Variants in KCNIP4 observed in about 807,000 individuals in gnomAD.
The protein encoded by KCNIP4 is potassium voltage-gated channel interacting protein 4, also known as Kv channel-interacting protein 4.
Under a neutral mutation model 34.0 loss-of-function variants are expected in KCNIP4, and 12 were observed. The ratio of observed to expected loss-of-function variants is 0.35; its 90% CI spans 0.23 to 0.57. The LOEUF is 0.57. Among genes scored for constraint, KCNIP4 ranks in the 20% least tolerant of loss-of-function variants. The probability of loss-of-function intolerance (pLI) is 0.83; values close to 1 mark genes in which losing one functional copy is unlikely to be tolerated. For synonymous variants in KCNIP4, 124 were observed against 102.2 expected (o/e 1.21, Z -1.29); for missense variants, 238 against 311.7 (o/e 0.76, Z 1.78).
intron 1 of KCNIP4, among the ~76,000 whole-genome samples, chr4:21,675,217 C>A (rs1749798323): frequency 6.6e-6 from 1 of 152,058 alleles, no homozygotes; most frequent in Non-Finnish European, 1.5e-5. Flanking sequence ...ATTGCATATT[C>A]TCATTTATTT....
intron 1 of KCNIP4, among the ~76,000 whole-genome samples, chr4:21,404,044 G>T (rs1350239941): frequency 6.6e-6 from 1 of 152,192 alleles, no homozygotes; most frequent in Admixed American, 6.5e-5. Context: ...CTTTCCGGTA[G>T]CCATGCTGGA....
chr4:21,600,524 T>C (rs899254799), intron 1 of KCNIP4, among the ~76,000 whole-genome samples: 1 of 151,384 alleles, frequency 6.6e-6, no homozygotes, highest in African/African-American at 2.5e-5. Flanking sequence ...TTTTGAAATG[T>C]ACAATAGATT....
intron 1 of KCNIP4, among the ~76,000 whole-genome samples, chr4:21,511,607 A>G (rs536769639): frequency 1.3e-5 from 2 of 152,328 alleles, no homozygotes; most frequent in Admixed American, 6.5e-5. Flanking sequence ...AGAAATTCCA[A>G]TCATCTTCAA....
intron 1 of KCNIP4, among the ~76,000 whole-genome samples, chr4:21,507,357 C>T (rs892129706): frequency 2.0e-5 from 3 of 151,580 alleles, no homozygotes; most frequent in Admixed American, 6.6e-5. Context: ...CTCCACCTCC[C>T]GGGTTCAAGC....
chr4:21,323,934 A>G (rs1714764150), intron 1 of KCNIP4, among the ~76,000 whole-genome samples: 1 of 151,982 alleles, frequency 6.6e-6, no homozygotes, highest in Non-Finnish European at 1.5e-5. Context: ...TTTAGATAAA[A>G]ACCATTTTAA....
chr4:21,070,259 T>C (rs1381715594), intron 1 of KCNIP4, among the ~76,000 whole-genome samples: 1 of 152,192 alleles, frequency 6.6e-6, no homozygotes, highest in Non-Finnish European at 1.5e-5. Flanking sequence ...ATTTTGGTCT[T>C]GTTTTTGGCG....
chr4:21,457,577 G>C (rs1729063958), intron 1 of KCNIP4, among the ~76,000 whole-genome samples: 1 of 151,978 alleles, frequency 6.6e-6, no homozygotes, highest in African/African-American at 2.4e-5. Context: ...CTAGAAAAGA[G>C]TAGAGGTGTA....
At chr4:20,850,205 A>G in intron 3 of KCNIP4, 1 of 175,426 alleles carries the variant, frequency 5.7e-6, no homozygotes, top group Admixed American at 5.8e-5. Flanking sequence ...ATTCAAGTCA[A>G]GCACCAGCCT....
At chr4:20,962,265 C>T (rs891907266) in intron 1 of KCNIP4, among the ~76,000 whole-genome samples, 1 of 152,198 alleles carries the variant, frequency 6.6e-6, no homozygotes, top group Non-Finnish European at 1.5e-5. Flanking sequence ...CAGCATCACT[C>T]CTGACACCTA....
intron 1 of KCNIP4, among the ~76,000 whole-genome samples, chr4:21,700,592 C>T (rs773305138): frequency 1.1e-4 from 17 of 151,792 alleles, no homozygotes; most frequent in Non-Finnish European, 1.9e-4. Context: ...TGTGCAGAAG[C>T]TTTTTAGTTT....
rs190328261 is a variant in KCNIP4, at chr4:20,885,122, G to A, written c.62-2413C>T. On this transcript the variant is annotated intron_variant, in intron 1 of 8. Coordinates refer to ENST00000382152, the MANE Select transcript of KCNIP4 (RefSeq NM_025221.6). ...CTCCCCTGCTTCCCAAGCTAACTTT[G>A]GGAGAAATTTAGCTTATAGTTTAAA... 6.3e-4 allele frequency among the ~76,000 whole-genome samples: 96 copies of A among 152,198 alleles called. No homozygotes were observed. The East Asian group carries it at 8.9e-3, about 14-fold the overall frequency.
rs1254641168 is a variant in KCNIP4 at position 20,938,724 on chromosome 4, CAAAG to C, written c.62-56019_62-56016del. On this transcript the variant is annotated intron_variant, in intron 1 of 8. Coordinates refer to ENST00000382152, the MANE Select transcript of KCNIP4 (RefSeq NM_025221.6). Reference sequence around the variant, plus strand: ...CTACATTTTATCATAAAAATGAAAACAAAGAAACAACACCTCTTACATATTCTCC... The same window carrying C: ...CTACATTTTATCATAAAAATGAAAACAAACAACACCTCTTACATATTCTCC... 4.6e-5 allele frequency among the ~76,000 whole-genome samples: 7 copies of C among 152,204 alleles called. No individual in the cohort carries two copies. The South Asian group carries it at 1.2e-3, about 27-fold the overall frequency.
intron 3 of KCNIP4, among the ~76,000 whole-genome samples, chr4:20,810,469 GAGAGAGAGAGAC>G: frequency 6.6e-6 from 1 of 151,596 alleles, no homozygotes; most frequent in South Asian, 2.1e-4. Flanking sequence ...AGGGGGGAGA[GAGAGAGAGAGAC>G]AGAGAGAGAC....
intron 6 of KCNIP4, among the ~76,000 whole-genome samples, chr4:20,733,581 A>G (rs1748874958): frequency 6.6e-6 from 1 of 152,200 alleles, no homozygotes; most frequent in Non-Finnish European, 1.5e-5. Context: ...TTAAGCATAG[A>G]TAAGTAGCAA....
In KCNIP4 at chr4:20,858,211, C is replaced by CAAAAAAAA. The variant is rs778798968; in HGVS notation, c.164-7552_164-7545dup. 4.2e-4 allele frequency among the ~76,000 whole-genome samples: 30 copies of CAAAAAAAA among 70,722 alleles called. 1 individual carries two copies. Among genetic ancestry groups the CAAAAAAAA allele is most frequent in the Non-Finnish European group, 5.9e-4 (20 of 33,770 alleles). The allele number at this position is 70,722 out of a possible 152,430, so 46.4% of individuals were successfully genotyped here. On this transcript the variant is annotated intron_variant, in intron 2 of 8. Coordinates refer to ENST00000382152, the MANE Select transcript of KCNIP4 (RefSeq NM_025221.6). ...GGGCAATGAGAGTGAAACTCCATCT[C>CAAAAAAAA]AAAAAAAAAAAAAAAAAAAAAAAAA...
intron 1 of KCNIP4, among the ~76,000 whole-genome samples, chr4:21,578,438 C>CAGGTAAATATTTACCTG (rs1740931327): frequency 2.0e-5 from 3 of 150,060 alleles, no homozygotes; most frequent in Admixed American, 6.6e-5. Context: ...TTTTTATATG[C>CAGGTAAATATTTACCTG]TCAGGTAAAT....
chr4:21,414,689 C>A (rs897363544), intron 1 of KCNIP4, among the ~76,000 whole-genome samples: 13 of 152,114 alleles, frequency 8.5e-5, no homozygotes, highest in Admixed American at 2.6e-4. Context: ...TCTAAGTGTC[C>A]ATCAATAGAT....
rs894424317 is a variant in KCNIP4 at position 20,758,693 on chromosome 4, C to T, written c.358+128G>A. ...GTACATTAAAAATTATATACACTTG[C>T]ATGCTGTGCATTAATTCTTTTACAT... On this transcript the variant is annotated intron_variant, in intron 4 of 8. Transcript: ENST00000382152. The T allele has an allele frequency of 1.5e-5, 11 of 714,594 alleles. No homozygotes were observed. The Admixed American group carries it at 1.9e-4, about 12-fold the overall frequency. The allele number at this position is 714,594 out of a possible 1,614,324, so 44.3% of individuals were successfully genotyped here. A position where few individuals can be genotyped will look rare whatever the true frequency, so the allele number is the denominator to read the frequency against.
chr4:21,925,191 G>A (rs929796114), intron 1 of KCNIP4, among the ~76,000 whole-genome samples: 10 of 151,622 alleles, frequency 6.6e-5, no homozygotes, highest in African/African-American at 2.4e-4. Context: ...CCATTAACTC[G>A]TCATTTACAT....
Sources: allele counts gnomAD v4.1 joint callset (sites outside exome capture counted in the v4.1 genomes callset), GRCh38; gene constraint gnomAD v4.1.1; transcripts MANE v1.5; gene names NCBI Gene and HGNC (gene_info 2026-07-23, HGNC 2026-07-21).